The following PDE4D variants were observed in gnomAD, a reference collection of about 807,000 sequenced individuals.
PDE4D encodes the protein phosphodiesterase 4D.
Under a neutral mutation model 87.4 loss-of-function variants are expected in PDE4D, and 24 were observed. That is an observed-to-expected ratio of 0.27 (90% CI 0.20 to 0.39). The LOEUF (loss-of-function observed/expected upper bound fraction) is 0.39, where lower values mean the gene tolerates loss of function less well. Ranked by LOEUF, PDE4D falls within the 10% of genes least tolerant of loss-of-function variation. The probability of loss-of-function intolerance (pLI) is 1.00; values close to 1 mark genes in which losing one functional copy is unlikely to be tolerated. For synonymous variants in PDE4D, 384 were observed against 383.2 expected (o/e 1.00, Z -0.02); for missense variants, 714 against 1,041.0 (o/e 0.69, Z 4.32).
intron 3 of PDE4D, among the ~76,000 whole-genome samples, chr5:59,952,259 C>A (rs1309529418): frequency 1.3e-5 from 2 of 152,012 alleles, no homozygotes; most frequent in Non-Finnish European, 2.9e-5. Flanking sequence ...TGTCAATTAA[C>A]CCTCTTTTCT....
chr5:59,308,206 T>A (rs1399991921), intron 1 of PDE4D, among the ~76,000 whole-genome samples: 1 of 143,320 alleles, frequency 7.0e-6, no homozygotes, highest in Non-Finnish European at 1.5e-5. Context: ...CTCTGGGGAC[T>A]GTTGTGGGGT....
chr5:60,315,417 T>A (rs1562315338), intron 1 of PDE4D, among the ~76,000 whole-genome samples: 1 of 152,212 alleles, frequency 6.6e-6, no homozygotes, highest in Admixed American at 6.5e-5. Flanking sequence ...TGGCAAAAAT[T>A]TTCTCCCATT....
rs532610844 is a variant in PDE4D, at chr5:60,193,186, A to C, written c.-89-7499T>G. ...CAGGTTCCACTTCACCTAGGAAATA[A>C]ATTAGGTGTTGAGGCCTCCCTGCCT... On this transcript the variant is annotated intron_variant, in intron 1 of 16. Transcript: ENST00000502484. Among the ~76,000 whole-genome samples the C allele has an allele frequency of 3.9e-5, 6 of 152,198 alleles. No homozygotes were observed. In the South Asian group the frequency reaches 1.2e-3, roughly 32 times the overall value.
At position 59,038,991 on chromosome 5, in the gene PDE4D, G is replaced by A. The variant is rs1759076985; in HGVS notation, c.809-20C>T. The stretch of plus-strand genomic sequence containing the variant: ...CCTCCTCTGCGAAGAGACAGGGAAA[G>A]GGGGACTCAGTTCTCAAGCGCTTCA... On this transcript the variant is annotated intron_variant, in intron 5 of 14. Transcript: ENST00000340635. The A allele has an allele frequency of 6.4e-7, 1 of 1,560,700 alleles. No individual in the cohort carries two copies. Among genetic ancestry groups the A allele is most frequent in the East Asian group, 2.4e-5 (1 of 41,664 alleles).
At chr5:59,921,060 G>A (rs1048413656) in intron 3 of PDE4D, among the ~76,000 whole-genome samples, 1 of 152,138 alleles carries the variant, frequency 6.6e-6, no homozygotes, top group Admixed American at 6.5e-5. Context: ...ATTAAGTACG[G>A]TAATGGGTGT....
intron 2 of PDE4D, among the ~76,000 whole-genome samples, chr5:60,097,698 A>G (rs916967167): frequency 6.6e-6 from 1 of 150,680 alleles, no homozygotes; most frequent in Non-Finnish European, 1.5e-5. Flanking sequence ...GTTAGTAACA[A>G]CTCTCCTGTC....
chr5:59,934,911 A>G (rs1208592526), intron 3 of PDE4D, among the ~76,000 whole-genome samples: 1 of 152,174 alleles, frequency 6.6e-6, no homozygotes, highest in Non-Finnish European at 1.5e-5. Flanking sequence ...ACAAAAAAAT[A>G]TTGAAGTTGG....
At chr5:60,303,311 T>C (rs930248783) in intron 1 of PDE4D, among the ~76,000 whole-genome samples, 8 of 149,612 alleles carry the variant, frequency 5.3e-5, no homozygotes, top group African/African-American at 1.2e-4. Flanking sequence ...GGATTTCTTT[T>C]TTTTTTTTTT....
intron 2 of PDE4D, among the ~76,000 whole-genome samples, chr5:60,125,132 C>A (rs2149386513): frequency 6.6e-6 from 1 of 152,222 alleles, no homozygotes; most frequent in African/African-American, 2.4e-5. Context: ...GTAAAACCAA[C>A]CTGAACTCAA....
intron 2 of PDE4D, among the ~76,000 whole-genome samples, chr5:60,034,567 C>T (rs1307089736): frequency 1.3e-5 from 2 of 152,110 alleles, no homozygotes; most frequent in African/African-American, 2.4e-5. Flanking sequence ...AAGGAAAATC[C>T]CCCCATCTCA....
intron 1 of PDE4D, among the ~76,000 whole-genome samples, chr5:59,225,220 A>T (rs1291652451): frequency 6.6e-6 from 1 of 152,138 alleles, no homozygotes; most frequent in Non-Finnish European, 1.5e-5. Flanking sequence ...TTTGCATGTG[A>T]ATATCTAGTT....
chr5:59,509,166 A>C (rs1225091089), intron 1 of PDE4D, among the ~76,000 whole-genome samples: 1 of 152,024 alleles, frequency 6.6e-6, no homozygotes, highest in Non-Finnish European at 1.5e-5. Context: ...TAAGAATTTC[A>C]AAGCACCCAA....
intron 1 of PDE4D, among the ~76,000 whole-genome samples, chr5:59,434,499 T>C (rs1007889539): frequency 5.7e-4 from 86 of 151,970 alleles, no homozygotes; most frequent in African/African-American, 1.9e-4. Context: ...CTTGGAGTTG[T>C]TCTTGATTTT....
At chr5:60,482,097 C>T (rs1198376978) in intron 1 of PDE4D, among the ~76,000 whole-genome samples, 1 of 152,116 alleles carries the variant, frequency 6.6e-6, no homozygotes, top group Non-Finnish European at 1.5e-5. Flanking sequence ...TGTGTTGGTG[C>T]TTGGAGATGG....
intron 1 of PDE4D, among the ~76,000 whole-genome samples, chr5:60,275,964 C>A (rs1477954125): frequency 2.6e-5 from 4 of 152,024 alleles, no homozygotes; most frequent in Non-Finnish European, 5.9e-5. Flanking sequence ...TTATTGATTT[C>A]TGGTTTGATT....
In PDE4D at chr5:60,117,778, C is replaced by A. The variant is rs74621890; in HGVS notation, c.42+67779G>T. 7.0e-3 allele frequency among the ~76,000 whole-genome samples: 1,066 copies of A among 151,802 alleles called. 22 individuals carry two copies. The highest frequency in any genetic ancestry group is 0.045 in the East Asian group (233 of 5,146). On this transcript the variant is annotated intron_variant, in intron 2 of 16. Transcript: ENST00000502484. ...TATTCTACTCTGATTACCCCTGCAGCTACCAACCCTCTTTCCTTTTTGCTA... is the reference window on the plus strand; with the variant it reads ...TATTCTACTCTGATTACCCCTGCAGATACCAACCCTCTTTCCTTTTTGCTA...
intron 1 of PDE4D, among the ~76,000 whole-genome samples, chr5:60,282,208 C>T (rs867395937): frequency 1.0e-4 from 13 of 128,380 alleles, no homozygotes; most frequent in African/African-American, 2.0e-4. Flanking sequence ...GAGAAATAAA[C>T]ATATATATAT....
At chr5:60,092,050 CAAAAA>C (rs66814905) in intron 2 of PDE4D, among the ~76,000 whole-genome samples, 3 of 55,992 alleles carry the variant, frequency 5.4e-5, no homozygotes, top group Admixed American at 2.4e-4. Context: ...AACTCCGTCT[CAAAAA>C]AAAAAAAAAA....
intron 6 of PDE4D, among the ~76,000 whole-genome samples, chr5:59,000,608 G>GA (rs1298716231): frequency 6.6e-6 from 1 of 152,164 alleles, no homozygotes; most frequent in Non-Finnish European, 1.5e-5. Context: ...AGGGAAATGT[G>GA]AAAGCTAGGG....
Sources: gnomAD v4.1 joint callset for allele counts (sites outside exome capture counted in the v4.1 genomes callset) on GRCh38, gnomAD v4.1.1 for gene constraint, MANE v1.5 for transcripts, NCBI Gene and HGNC (gene_info 2026-07-23, HGNC 2026-07-21) for gene names.